The following MGAT1 variants were observed in gnomAD, a reference collection of about 807,000 sequenced individuals.
MGAT1 encodes alpha-1,3-mannosyl-glycoprotein 2-beta-N-acetylglucosaminyltransferase.
In MGAT1, 14 loss-of-function variants were observed where a neutral mutation model predicts 31.7. The observed-to-expected ratio is 0.44, with a 90% CI of 0.29 to 0.69. MGAT1 has a LOEUF of 0.69. MGAT1 is among the 30% of genes least tolerant of loss of function. The pLI is 0.12. For synonymous variants in MGAT1, 338 were observed against 276.0 expected (o/e 1.22, Z -2.23); for missense variants, 557 against 626.0 (o/e 0.89, Z 1.18).
Position 180,792,924 on chromosome 5 carries a change from G to A in MGAT1, c.48C>T (p.Leu16=), listed in dbSNP as rs373212509. 4 of 1,613,084 alleles carry A rather than the reference G, an allele frequency of 2.5e-6. No homozygotes were observed. The African/African-American group carries it at 5.3e-5, about 22-fold the overall frequency. ...GCAGCAGGGCATTCCAGGCCACAAA[G>A]AGGATAGCGCCCCACAGCACAAGCC... The part of the protein sequence containing the change: ...SAGLVLWGAI[L]FVAWNALLLL... Residue 16 remains leucine, a synonymous_variant, in exon 2 of 2, where the codon CTC becomes CTT. Transcript: ENST00000307826.
chr5:180,806,016 C>T (rs1302797733), upstream of MGAT1, among the ~76,000 whole-genome samples: 1 of 151,860 alleles, frequency 6.6e-6, no homozygotes, highest in African/African-American at 2.4e-5. Flanking sequence ...GGCCGGGCAC[C>T]GTGGCTCATG....
chr5:180,794,263 G>C (rs923338484), intron 1 of MGAT1, among the ~76,000 whole-genome samples: 2 of 149,970 alleles, frequency 1.3e-5, no homozygotes, highest in South Asian at 4.2e-4. Context: ...ATGGTGGCAC[G>C]CACCTGTGGT....
intron 1 of MGAT1, among the ~76,000 whole-genome samples, chr5:180,796,231 T>C (rs75685616): frequency 0.029 from 4,354 of 152,174 alleles, 202 homozygotes; most frequent in African/African-American, 0.099. Context: ...TAAAGAGACA[T>C]GGATTCTGTC....
intron 1 of MGAT1, among the ~76,000 whole-genome samples, chr5:180,794,121 G>A (rs558674360): frequency 1.8e-4 from 27 of 151,676 alleles, no homozygotes; most frequent in Admixed American, 4.6e-4. Context: ...GCTCCTACCT[G>A]CAATCCCAGC....
intron 1 of MGAT1, among the ~76,000 whole-genome samples, chr5:180,794,411 T>TTTTTTTTATA (rs528893463): frequency 2.8e-5 from 4 of 142,034 alleles, no homozygotes; most frequent in African/African-American, 5.6e-5. Flanking sequence ...TTTTTTTTTA[T>TTTTTTTTATA]TATATATATA....
At chr5:180,807,495 G>GA (rs1297462865), upstream of MGAT1, among the ~76,000 whole-genome samples, 1 of 152,080 alleles carries the variant, frequency 6.6e-6, no homozygotes, top group Non-Finnish European at 1.5e-5. Flanking sequence ...GAGATGTCTG[G>GA]AAAAAAACGT....
intron 1 of MGAT1, among the ~76,000 whole-genome samples, chr5:180,799,888 TATGGACAGGACACTGCTAC>T (rs1325126241): frequency 1.3e-5 from 2 of 152,118 alleles, no homozygotes; most frequent in African/African-American, 4.8e-5. Flanking sequence ...GACCCTGCTA[TATGGACAGGACACTGCTAC>T]ATGGACAGGA....
intron 1 of MGAT1, among the ~76,000 whole-genome samples, chr5:180,797,007 C>CCCA (rs1769538192): frequency 6.6e-6 from 1 of 152,216 alleles, no homozygotes; most frequent in Non-Finnish European, 1.5e-5. Flanking sequence ...CTCCCAACTT[C>CCCA]CCACCTCCTA....
At position 180,791,672 on chromosome 5, in the gene MGAT1, G is replaced by C; in HGVS notation, c.1300C>G (p.Pro434Ala). ...GGATCATAGCCCTCCCACGTCAGTG[G>C]GGGCGCCAGGTGGACACGGCGGCCC... Reference protein sequence around the residue: ...FRGRRVHLAPPLTWEGYDPSW... With the variant: ...FRGRRVHLAPALTWEGYDPSW... Residue 434 changes from proline (P) to alanine (A), a missense_variant, in exon 2 of 2, where the codon CCA becomes GCA. Pro to Ala is a conservative substitution (Grantham distance 27). Around this residue, in one of 3 missense-constraint regions of MGAT1, gnomAD observed 145 missense variants for 143.2 expected, o/e 1.01. Coordinates refer to ENST00000307826, the MANE Select transcript of MGAT1 (RefSeq NM_002406.4). 1 of 1,613,834 alleles carries C rather than the reference G, an allele frequency of 6.2e-7. No homozygotes were observed. Among genetic ancestry groups the C allele is most frequent in the African/African-American group, 1.3e-5 (1 of 75,032 alleles).
chr5:180,804,547 G>A (rs1771575490), upstream of MGAT1, among the ~76,000 whole-genome samples: 1 of 152,358 alleles, frequency 6.6e-6, no homozygotes, highest in Non-Finnish European at 1.5e-5. Flanking sequence ...AACCCAGGCG[G>A]ATATGCCAGT....
At chr5:180,797,214 T>TG (rs1237896076) in intron 1 of MGAT1, among the ~76,000 whole-genome samples, 2 of 151,958 alleles carry the variant, frequency 1.3e-5, no homozygotes, top group Non-Finnish European at 2.9e-5. Context: ...CTGGCCAACA[T>TG]GGCGAAACCC....
intron 1 of MGAT1, among the ~76,000 whole-genome samples, chr5:180,813,878 C>G (rs568615876): frequency 1.3e-5 from 2 of 152,166 alleles, no homozygotes; most frequent in Non-Finnish European, 2.9e-5. Flanking sequence ...ACCTATTCAA[C>G]TAGAAAGAAG....
At position 180,791,898 on chromosome 5, in the gene MGAT1, G is replaced by A. The variant is rs1768186589; in HGVS notation, c.1074C>T (p.Phe358=). Residue 358 remains phenylalanine, a synonymous_variant, in exon 2 of 2, where the codon TTC becomes TTT. Transcript: ENST00000307826. ...GGGGAGCACCGTAGACGCGGGCGAGGAAATCTCGGTCATAGGCCTCCCGCT... is the reference window on the plus strand; with the variant it reads ...GGGGAGCACCGTAGACGCGGGCGAGAAAATCTCGGTCATAGGCCTCCCGCT... ...YLQREAYDRD[F]LARVYGAPQL... The A allele has an allele frequency of 6.2e-7, 1 of 1,614,090 alleles. No individual in the cohort carries two copies. The highest frequency in any genetic ancestry group is 1.7e-5 in the Admixed American group (1 of 60,014).
At chr5:180,799,216 A>T (rs1035592791) in intron 1 of MGAT1, among the ~76,000 whole-genome samples, 3 of 152,192 alleles carry the variant, frequency 2.0e-5, no homozygotes, top group Non-Finnish European at 4.4e-5. Context: ...CTTCAGACAG[A>T]CTGTCTGAAA....
At chr5:180,811,576 A>G (rs1331248235) in intron 1 of MGAT1, among the ~76,000 whole-genome samples, 1 of 150,538 alleles carries the variant, frequency 6.6e-6, no homozygotes, top group Non-Finnish European at 1.5e-5. Context: ...TGTTGACCCT[A>G]CCTTCAATCT....
At position 180,792,814 on chromosome 5, in the gene MGAT1, T is replaced by C; in HGVS notation, c.158A>G (p.Glu53Gly). ...LDGDPASLTR[E>G]VIRLAQDAEV... ...GGCGTCTTGGGCCAGGCGAATCACTTCCCGGGTGAGGCTGGCGGGGTCGCC... is the reference window on the plus strand; with the variant it reads ...GGCGTCTTGGGCCAGGCGAATCACTCCCCGGGTGAGGCTGGCGGGGTCGCC... Residue 53 changes from glutamate (E) to glycine (G), a missense_variant, in exon 2 of 2, where the codon GAA (glutamate) becomes GGA (glycine). Physicochemically the swap from Glu to Gly is moderately conservative, Grantham distance 98 (BLOSUM62 -2). Transcript: ENST00000307826. 6.4e-7 allele frequency: 1 copy of C among 1,559,952 alleles called. No homozygotes were observed. Among genetic ancestry groups the C allele is most frequent in the South Asian group, 1.2e-5 (1 of 85,020 alleles).
At position 180,792,687 on chromosome 5, in the gene MGAT1, C is replaced by A. The variant is rs748852970; in HGVS notation, c.285G>T (p.Pro95=). ...RVPTAAPPAQ[P]RVPVTPAPAV... ...CCGGCGCGGGGGTCACAGGCACACG[C>A]GGCTGGGCGGGAGGGGCCGCGGTGG... Residue 95 remains proline, a synonymous_variant, in exon 2 of 2, where the codon CCG becomes CCT. Transcript: ENST00000307826. 5 of 1,562,410 alleles carry A rather than the reference C, an allele frequency of 3.2e-6. No individual in the cohort carries two copies. The highest frequency in any genetic ancestry group is 4.3e-6 in the Non-Finnish European group (5 of 1,155,578).
chr5:180,792,894 G>A lies in MGAT1; in HGVS notation c.78C>T (p.Leu26=), dbSNP rs779546331. 6.2e-7 allele frequency: 1 copy of A among 1,607,434 alleles called. No homozygotes were observed. Among genetic ancestry groups the A allele is most frequent in the Non-Finnish European group, 8.5e-7 (1 of 1,177,432 alleles). ...CAGGTGCTGGGCGCGTCCAGAAGAA[G>A]AGGAGCAGCAGGGCATTCCAGGCCA... ...LFVAWNALLL[L]FFWTRPAPGR... is the part of the protein sequence containing the mutation. The change falls in exon 2 of 2, where the codon CTC becomes CTT. Residue 26 remains leucine (L), a synonymous_variant. Transcript: ENST00000307826.
Position 180,792,319 on chromosome 5 carries a change from A to G in MGAT1, c.653T>C (p.Phe218Ser). Residue 218 changes from phenylalanine to serine, a missense_variant, in exon 2 of 2, where the codon TTC becomes TCC. Phe to Ser is a radical substitution (Grantham distance 155, BLOSUM62 -2). Coordinates refer to ENST00000307826, the MANE Select transcript of MGAT1 (RefSeq NM_002406.4). The part of the protein sequence containing the change: ...VEDDLEVAPD[F>S]FEYFRATYPL... ...ATAGGTGGCCCGAAAGTACTCGAAG[A>G]AGTCCGGGGCCACCTCCAGGTCATC... 1 of 1,610,496 alleles carries G rather than the reference A, an allele frequency of 6.2e-7. No homozygotes were observed. Among genetic ancestry groups the G allele is most frequent in the Non-Finnish European group, 8.5e-7 (1 of 1,177,866 alleles).
Sources: gnomAD v4.1 joint callset for allele counts (sites outside exome capture counted in the v4.1 genomes callset) on GRCh38, gnomAD v4.1.1 for gene constraint, gnomAD v4.1.1 regional missense constraint, MANE v1.5 for transcripts, NCBI Gene and HGNC (gene_info 2026-07-23, HGNC 2026-07-21) for gene names.